ARHGAP6: variants seen among roughly 807,000 people sequenced by gnomAD.
The protein encoded by ARHGAP6 is rho GTPase-activating protein 6.
Under a neutral mutation model 55.7 loss-of-function variants are expected in ARHGAP6, and 16 were observed. The ratio of observed to expected loss-of-function variants is 0.29; its 90% CI spans 0.19 to 0.44. The LOEUF is 0.44. ARHGAP6 is among the 20% of genes least tolerant of loss of function. The probability of loss-of-function intolerance (pLI) is 1.00; values close to 1 mark genes in which losing one functional copy is unlikely to be tolerated. For synonymous variants in ARHGAP6, 382 were observed against 360.9 expected (o/e 1.06, Z -0.66); for missense variants, 698 against 808.9 (o/e 0.86, Z 1.66).
intron 1 of ARHGAP6, among the ~76,000 whole-genome samples, chrX:11,354,683 G>A (rs1014364767): frequency 6.3e-5 from 7 of 110,833 alleles, no homozygotes; most frequent in African/African-American, 2.0e-4. Flanking sequence ...AAATTTTTCC[G>A]GAAACTTTGT....
intron 10 of ARHGAP6, among the ~76,000 whole-genome samples, chrX:11,156,057 C>A (rs561890045): frequency 1.8e-5 from 2 of 112,384 alleles, no homozygotes; most frequent in African/African-American, 6.5e-5. Context: ...AGAAGGTGCA[C>A]ACCTCTAATT....
chrX:11,165,065 G>A (rs758558469), intron 9 of ARHGAP6, among the ~76,000 whole-genome samples: 1 of 112,119 alleles, frequency 8.9e-6, no homozygotes, highest in East Asian at 2.8e-4. Flanking sequence ...TTCAACAGGT[G>A]TTGATATCAG....
In ARHGAP6 at chrX:11,174,592, T is replaced by TTCTTTCTTTCTTTCTTTC. The variant is rs1555964732; in HGVS notation, c.1629+3507_1629+3508insGAAAGAAAGAAAGAAAGA. 1.0e-3 allele frequency among the ~76,000 whole-genome samples: 69 copies of TTCTTTCTTTCTTTCTTTC among 67,415 alleles called. 2 individuals carry two copies. The highest frequency in any genetic ancestry group is 2.0e-3 in the Admixed American group (12 of 6,020). The allele number at this position is 67,415 out of a possible 115,157, so 58.5% of individuals were successfully genotyped here. On this transcript the variant is annotated intron_variant, in intron 8 of 12. Transcript: ENST00000337414. ...TTCCTTCCTTTCTTTCTTTCTTTCTTTTTCTTTCTTTCTTTCTTTCTTTCT... is the reference window on the plus strand; with the variant it reads ...TTCCTTCCTTTCTTTCTTTCTTTCTTTCTTTCTTTCTTTCTTTCTTTCTTTCTTTCTTTCTTTCTTTCT...
chrX:11,290,303 C>A, intron 1 of ARHGAP6: 1 of 271,466 alleles, frequency 3.7e-6, no homozygotes, highest in Admixed American at 4.5e-5. Context: ...AATTCATCAA[C>A]ACATTTATCT....
intron 1 of ARHGAP6, among the ~76,000 whole-genome samples, chrX:11,455,848 A>G (rs914937448): frequency 8.9e-6 from 1 of 112,133 alleles, no homozygotes; most frequent in Non-Finnish European, 1.9e-5. Context: ...TCTCACTTCT[A>G]TAATGGAGAT....
intron 1 of ARHGAP6, among the ~76,000 whole-genome samples, chrX:11,478,549 A>C (rs186764963): frequency 1.8e-5 from 2 of 112,071 alleles, no homozygotes; most frequent in East Asian, 5.6e-4. Context: ...GAAGAGGCAT[A>C]AGGAAACTTC....
intron 1 of ARHGAP6, among the ~76,000 whole-genome samples, chrX:11,592,760 T>G (rs946719121): frequency 9.0e-6 from 1 of 111,216 alleles, no homozygotes; most frequent in African/African-American, 3.3e-5. Flanking sequence ...TTCGAAGAAA[T>G]GAGAATTAAA....
At chrX:11,589,707 G>T (rs2051781888) in intron 1 of ARHGAP6, among the ~76,000 whole-genome samples, 2 of 111,342 alleles carry the variant, frequency 1.8e-5, no homozygotes, top group Admixed American at 9.6e-5. Flanking sequence ...GAGGGGAAAG[G>T]CTGATACAGG....
Position 11,515,161 on chromosome X carries a change from A to G in ARHGAP6, c.588+149080T>C, listed in dbSNP as rs141002889. Among the ~76,000 whole-genome samples, 161 of 112,063 alleles carry G rather than the reference A, an allele frequency of 1.4e-3. 2 individuals carry two copies. The East Asian group carries it at 0.04, about 28-fold the overall frequency. Reference sequence around the variant, plus strand: ...AGAATGGTGGTAGCCATGCCATCCAAGATAGATTGTCTTACATTGCTCTCT... The same window carrying G: ...AGAATGGTGGTAGCCATGCCATCCAGGATAGATTGTCTTACATTGCTCTCT... On this transcript the variant is annotated intron_variant, in intron 1 of 12. Transcript: ENST00000337414.
At chrX:11,634,855 C>T (rs1246370360) in intron 1 of ARHGAP6, among the ~76,000 whole-genome samples, 1 of 112,137 alleles carries the variant, frequency 8.9e-6, no homozygotes, top group Non-Finnish European at 1.9e-5. Context: ...AATCCAGGCA[C>T]AGCTTAGCTG....
chrX:11,291,515 C>A (rs2047991707), intron 1 of ARHGAP6, among the ~76,000 whole-genome samples: 1 of 110,773 alleles, frequency 9.0e-6, no homozygotes, highest in African/African-American at 3.3e-5. Context: ...TAGAGATTAC[C>A]CACAACTTTG....
At chrX:11,478,665 G>A (rs907070726) in intron 1 of ARHGAP6, among the ~76,000 whole-genome samples, 4 of 111,306 alleles carry the variant, frequency 3.6e-5, no homozygotes, top group African/African-American at 1.3e-4. Flanking sequence ...TTACTAAATT[G>A]TGCCTTGCAA....
At chrX:11,174,637 T>TTC (rs1569241570) in intron 8 of ARHGAP6, among the ~76,000 whole-genome samples, 171 of 66,933 alleles carry the variant, frequency 2.6e-3, no homozygotes, top group Non-Finnish European at 3.6e-3. Flanking sequence ...CTTTCTTTCT[T>TTC]TCTTTCTTTC....
chrX:11,593,908 G>A (rs2051870242), intron 1 of ARHGAP6, among the ~76,000 whole-genome samples: 1 of 111,940 alleles, frequency 8.9e-6, no homozygotes, highest in African/African-American at 3.2e-5. Flanking sequence ...AGAGCCACTT[G>A]GTCAAAAAAT....
At chrX:11,562,648 A>C (rs1395656635) in intron 1 of ARHGAP6, among the ~76,000 whole-genome samples, 2 of 111,175 alleles carry the variant, frequency 1.8e-5, no homozygotes, top group Non-Finnish European at 3.8e-5. Flanking sequence ...CCATCAAAAA[A>C]AAAAAAACTT....
chrX:11,583,128 A>G (rs1305820401), intron 1 of ARHGAP6, among the ~76,000 whole-genome samples: 1 of 112,327 alleles, frequency 8.9e-6, no homozygotes, highest in Non-Finnish European at 1.9e-5. Flanking sequence ...TTAATGGCAG[A>G]GCTGTGAAGT....
intron 2 of ARHGAP6, among the ~76,000 whole-genome samples, chrX:11,215,096 T>C (rs2046860799): frequency 8.9e-6 from 1 of 111,774 alleles, no homozygotes; most frequent in African/African-American, 3.3e-5. Context: ...CAGGGGCCTG[T>C]GCATATGTGC....
At chrX:11,553,739 A>G (rs905905398) in intron 1 of ARHGAP6, among the ~76,000 whole-genome samples, 2 of 112,163 alleles carry the variant, frequency 1.8e-5, no homozygotes, top group African/African-American at 6.5e-5. Flanking sequence ...AAATGGATGA[A>G]TAAGGAAAGG....
At chrX:11,537,417 A>G in intron 1 of ARHGAP6, among the ~76,000 whole-genome samples, 1 of 112,157 alleles carries the variant, frequency 8.9e-6, no homozygotes, top group Middle Eastern at 4.6e-3. Context: ...TGTCAACGGC[A>G]CAGAGATTAC....
Sources: allele counts gnomAD v4.1 joint callset (sites outside exome capture counted in the v4.1 genomes callset), GRCh38; gene constraint gnomAD v4.1.1; transcripts MANE v1.5; gene names NCBI Gene and HGNC (gene_info 2026-07-23, HGNC 2026-07-21).